The following LRP1B variants were observed in gnomAD, a reference collection of about 807,000 sequenced individuals.
LRP1B encodes LDL receptor related protein 1B, also known as low-density lipoprotein receptor-related protein 1B.
In LRP1B, 217 loss-of-function variants were observed where a neutral mutation model predicts 556.6. That is an observed-to-expected ratio of 0.39 (90% CI 0.35 to 0.44). The LOEUF is 0.44. Among genes scored for constraint, LRP1B ranks in the 20% least tolerant of loss-of-function variants. The pLI is 1.00. For missense variants in LRP1B, 5,053 were observed against 5,620.8 expected, an observed-to-expected ratio of 0.90 and a Z score of 3.23; for synonymous variants, 2,047 against 1,865.8, an observed-to-expected ratio of 1.10 and a Z score of -2.50.
chr2:141,438,109 T>C (rs1680829825), intron 3 of LRP1B, among the ~76,000 whole-genome samples: 1 of 152,122 alleles, frequency 6.6e-6, no homozygotes, highest in African/African-American at 2.4e-5. Context: ...TAAATGTAAA[T>C]TTTTAATAAT....
At chr2:140,980,695 G>T (rs886840942) in intron 18 of LRP1B, among the ~76,000 whole-genome samples, 3 of 152,066 alleles carry the variant, frequency 2.0e-5, no homozygotes, top group Admixed American at 2.0e-4. Context: ...ATTCCTCAAA[G>T]AACTAAAAGT....
intron 65 of LRP1B, among the ~76,000 whole-genome samples, chr2:140,443,099 T>G (rs1299421597): frequency 1.3e-5 from 2 of 152,158 alleles, no homozygotes; most frequent in Non-Finnish European, 2.9e-5. Flanking sequence ...CTTGCTCTGT[T>G]GTCCAGGCTG....
At chr2:140,750,981 CTTTT>C (rs1280255594) in intron 35 of LRP1B, among the ~76,000 whole-genome samples, 6 of 115,224 alleles carry the variant, frequency 5.2e-5, no homozygotes, top group Admixed American at 1.3e-4. Flanking sequence ...AGTTATAACT[CTTTT>C]TTTTTCTTTT....
At chr2:140,925,692 T>C (rs1473941978) in intron 20 of LRP1B, among the ~76,000 whole-genome samples, 2 of 152,210 alleles carry the variant, frequency 1.3e-5, no homozygotes, top group Non-Finnish European at 2.9e-5. Context: ...TTCCTCAGTA[T>C]GTTTGACGAA....
Position 140,364,303 on chromosome 2 carries a change from T to A in LRP1B, c.11131+358A>T, listed in dbSNP as rs886387497. 2.0e-5 allele frequency among the ~76,000 whole-genome samples: 3 copies of A among 151,626 alleles called. No homozygotes were observed. The South Asian group carries it at 6.2e-4, about 31-fold the overall frequency. On this transcript the variant is annotated intron_variant, in intron 72 of 90. Coordinates refer to ENST00000389484, the MANE Select transcript of LRP1B (RefSeq NM_018557.3). ...TATTTATATATTTTTAATTTGCTTA[T>A]CTGTATCCCTCCAAAATTAACCTAA...
chr2:140,795,408 A>G (rs1374129262), intron 32 of LRP1B, among the ~76,000 whole-genome samples: 2 of 152,180 alleles, frequency 1.3e-5, no homozygotes, highest in Admixed American at 6.5e-5. Context: ...TAAAATGTGC[A>G]CATAGTTATG....
At chr2:141,046,186 T>C (rs1406860469) in intron 11 of LRP1B, among the ~76,000 whole-genome samples, 1 of 152,162 alleles carries the variant, frequency 6.6e-6, no homozygotes. Context: ...TTATGTTTAT[T>C]TACAAACAGC....
rs183735115 is a variant in LRP1B at position 141,655,252 on chromosome 2, T to A, written c.205+155027A>T. 5.9e-5 allele frequency among the ~76,000 whole-genome samples: 9 copies of A among 152,258 alleles called. No individual in the cohort carries two copies. The East Asian group carries it at 1.7e-3, about 29-fold the overall frequency. On this transcript the variant is annotated intron_variant, in intron 2 of 90. Transcript: ENST00000389484. ...TTATATTCATGCTTTTCATACTAAATAATAAAATAAAACCTGACTTTCACA... is the reference window on the plus strand; with the variant it reads ...TTATATTCATGCTTTTCATACTAAAAAATAAAATAAAACCTGACTTTCACA...
At chr2:141,127,005 C>T (rs924360475) in intron 7 of LRP1B, among the ~76,000 whole-genome samples, 1 of 151,646 alleles carries the variant, frequency 6.6e-6, no homozygotes, top group Non-Finnish European at 1.5e-5. Context: ...TGCTATCCCT[C>T]CCCCACCCCT....
At chr2:140,385,497 G>C (rs78179465) in intron 67 of LRP1B, among the ~76,000 whole-genome samples, 2,105 of 152,196 alleles carry the variant, frequency 0.014, 53 homozygotes, top group African/African-American at 0.048. Flanking sequence ...GCTCATGGGC[G>C]AATTTATAGT....
intron 20 of LRP1B, among the ~76,000 whole-genome samples, chr2:140,940,047 C>T (rs182197896): frequency 6.6e-6 from 1 of 151,892 alleles, no homozygotes; most frequent in Non-Finnish European, 1.5e-5. Flanking sequence ...CCATAGCTAG[C>T]TAATTTTTGT....
At chr2:140,377,277 A>G (rs1039561064) in intron 68 of LRP1B, among the ~76,000 whole-genome samples, 3 of 152,024 alleles carry the variant, frequency 2.0e-5, no homozygotes, top group African/African-American at 7.2e-5. Flanking sequence ...GGGTTTCACC[A>G]TGTTGGCCAG....
intron 3 of LRP1B, among the ~76,000 whole-genome samples, chr2:141,273,710 A>T (rs1248313720): frequency 2.0e-5 from 3 of 152,208 alleles, no homozygotes; most frequent in African/African-American, 7.2e-5. Context: ...CACAAGTGAC[A>T]AAGGAAAAAA....
At chr2:140,341,272 A>G (rs1232586583) in intron 77 of LRP1B, among the ~76,000 whole-genome samples, 1 of 151,634 alleles carries the variant, frequency 6.6e-6, no homozygotes, top group East Asian at 1.9e-4. Flanking sequence ...TGCCAGCTTC[A>G]TTATAATTTT....
At chr2:140,554,460 A>G (rs1680655042) in intron 43 of LRP1B, among the ~76,000 whole-genome samples, 1 of 152,128 alleles carries the variant, frequency 6.6e-6, no homozygotes, top group Admixed American at 6.6e-5. Flanking sequence ...ATATATTTTT[A>G]GTGAGTTCCT....
At chr2:140,280,347 T>A (rs1055816699) in intron 84 of LRP1B, among the ~76,000 whole-genome samples, 2 of 151,696 alleles carry the variant, frequency 1.3e-5, no homozygotes. Flanking sequence ...ATTTTGTTGT[T>A]GTGGGGGGTG....
At chr2:140,572,769 G>A (rs190546981) in intron 43 of LRP1B, among the ~76,000 whole-genome samples, 7 of 142,978 alleles carry the variant, frequency 4.9e-5, no homozygotes, top group Non-Finnish European at 1.1e-4. Flanking sequence ...AATGTGGTAC[G>A]TATACACAAT....
intron 32 of LRP1B, among the ~76,000 whole-genome samples, chr2:140,806,452 G>T (rs1365053001): frequency 2.6e-5 from 4 of 152,178 alleles, no homozygotes; most frequent in African/African-American, 9.6e-5. Flanking sequence ...ATATATAAAT[G>T]AGAGCAACTG....
chr2:142,006,976 A>ATT (rs71391671), intron 1 of LRP1B, among the ~76,000 whole-genome samples: 4 of 151,802 alleles, frequency 2.6e-5, no homozygotes, highest in Admixed American at 2.0e-4. Flanking sequence ...AGAAGACCTG[A>ATT]TTTTTTTTTC....
Sources: gnomAD v4.1 joint callset for allele counts (sites outside exome capture counted in the v4.1 genomes callset) on GRCh38, gnomAD v4.1.1 for gene constraint, MANE v1.5 for transcripts, NCBI Gene and HGNC (gene_info 2026-07-23, HGNC 2026-07-21) for gene names.